Variants in MAGI1 observed in about 807,000 individuals in gnomAD.
MAGI1 encodes the protein membrane-associated guanylate kinase, WW and PDZ domain-containing protein 1.
In MAGI1, 58 loss-of-function variants were observed where a neutral mutation model predicts 139.9. That is an observed-to-expected ratio of 0.41 (90% CI 0.34 to 0.52). The LOEUF (loss-of-function observed/expected upper bound fraction) is 0.52. Among genes scored for constraint, MAGI1 ranks in the 20% least tolerant of loss-of-function variants. The pLI is 0.12. For synonymous variants in MAGI1, 812 were observed against 737.9 expected (o/e 1.10, Z -1.63); for missense variants, 1,874 against 1,901.6 (o/e 0.99, Z 0.27).
At chr3:65,437,269 T>G in intron 9 of MAGI1, 22 bp from the exon 10 acceptor site, 1 of 1,482,150 alleles carries the variant, frequency 6.7e-7, no homozygotes, top group Non-Finnish European at 9.4e-7. Flanking sequence ...AAAAGAAAGT[T>G]TCCTATTTTT....
At chr3:65,421,314 G>A (rs528979776) in intron 12 of MAGI1, among the ~76,000 whole-genome samples, 1 of 152,304 alleles carries the variant, frequency 6.6e-6, no homozygotes, top group East Asian at 1.9e-4. Flanking sequence ...CATGGTGGAA[G>A]TGCTAGAAAA....
chr3:65,470,948 C>A (rs553276264), intron 4 of MAGI1, among the ~76,000 whole-genome samples: 1 of 152,186 alleles, frequency 6.6e-6, no homozygotes, highest in East Asian at 1.9e-4. Flanking sequence ...CTTGTATAAA[C>A]GATTTTATAA....
chr3:65,401,372 T>TGCCCCCCCCCGCCCCCCC, intron 13 of MAGI1, 67 bp downstream of exon 13: 1 of 778,312 alleles, frequency 1.3e-6, no homozygotes, highest in Non-Finnish European at 2.1e-6. Flanking sequence ...CAGAGTACCC[T>TGCCCCCCCCCGCCCCCCC]CCCACCTCCA....
intron 1 of MAGI1, among the ~76,000 whole-genome samples, chr3:65,995,148 A>C (rs1409661923): frequency 2.0e-5 from 3 of 152,234 alleles, no homozygotes; most frequent in Non-Finnish European, 4.4e-5. Flanking sequence ...AAAACTCGGA[A>C]GGAACCGTGA....
At chr3:65,757,611 C>T (rs1244595708) in intron 1 of MAGI1, among the ~76,000 whole-genome samples, 1 of 152,172 alleles carries the variant, frequency 6.6e-6, no homozygotes, top group Non-Finnish European at 1.5e-5. Context: ...GCACTCCAGC[C>T]TGGGCAACAG....
intron 1 of MAGI1, among the ~76,000 whole-genome samples, chr3:65,680,583 T>G (rs2087514060): frequency 6.6e-6 from 1 of 151,886 alleles, no homozygotes; most frequent in African/African-American, 2.4e-5. Context: ...CCTGGTTAAT[T>G]TTTCTTTTCT....
At chr3:65,549,274 C>G in intron 2 of MAGI1, 17 of 348,760 alleles carry the variant, frequency 4.9e-5, no homozygotes, top group South Asian at 1.1e-4. Context: ...TCCTCGCCTT[C>G]TCCTTCCTTC....
At chr3:65,773,804 A>G (rs1050577657) in intron 1 of MAGI1, among the ~76,000 whole-genome samples, 1 of 152,186 alleles carries the variant, frequency 6.6e-6, no homozygotes, top group Non-Finnish European at 1.5e-5. Context: ...TTATGCCTTA[A>G]TCATACTTGA....
chr3:65,661,746 T>TG (rs1491565397), intron 1 of MAGI1, among the ~76,000 whole-genome samples: 1 of 15,248 alleles, frequency 6.6e-5, no homozygotes, highest in African/African-American at 1.3e-4. Context: ...TTTTTTTCTG[T>TG]TTTTTTTTTT....
chr3:65,641,089 T>C (rs757171348), intron 1 of MAGI1, among the ~76,000 whole-genome samples: 1 of 151,624 alleles, frequency 6.6e-6, no homozygotes, highest in Non-Finnish European at 1.5e-5. Context: ...GAATTTTTGC[T>C]TTCTAATAAG....
chr3:65,741,367 G>T (rs2035250752), intron 1 of MAGI1, among the ~76,000 whole-genome samples: 1 of 151,990 alleles, frequency 6.6e-6, no homozygotes, highest in Admixed American at 6.5e-5. Flanking sequence ...GTAGAGACAG[G>T]GTTTCACCGT....
intron 13 of MAGI1, 57 bp downstream of exon 13, chr3:65,401,382 A>ACCCC: frequency 1.2e-5 from 5 of 404,304 alleles, no homozygotes; most frequent in Admixed American, 4.0e-5. Context: ...TCCCACCTCC[A>ACCCC]GCCCCCCACC....
At chr3:65,457,025 T>C (rs1160570170) in intron 5 of MAGI1, among the ~76,000 whole-genome samples, 1 of 152,136 alleles carries the variant, frequency 6.6e-6, no homozygotes, top group Non-Finnish European at 1.5e-5. Flanking sequence ...GTTTTAGCTA[T>C]TCTCTTTCCT....
chr3:65,438,705 T>G (rs1464312277), intron 9 of MAGI1, among the ~76,000 whole-genome samples: 1 of 152,250 alleles, frequency 6.6e-6, no homozygotes, highest in Non-Finnish European at 1.5e-5. Flanking sequence ...GAGCCAAGAA[T>G]AACTTTTATT....
At chr3:65,836,614 T>G (rs183519272) in intron 1 of MAGI1, among the ~76,000 whole-genome samples, 2 of 150,156 alleles carry the variant, frequency 1.3e-5, no homozygotes, top group African/African-American at 2.5e-5. Flanking sequence ...AGGTCAGGAG[T>G]TCAAGACCAG....
chr3:65,678,859 G>C (rs895701160), intron 1 of MAGI1, among the ~76,000 whole-genome samples: 3 of 152,180 alleles, frequency 2.0e-5, no homozygotes, highest in Non-Finnish European at 4.4e-5. Context: ...CTTATTCTGT[G>C]AATTTTGAAA....
chr3:65,510,090 G>T (rs2077504506), intron 2 of MAGI1, among the ~76,000 whole-genome samples: 1 of 151,968 alleles, frequency 6.6e-6, no homozygotes, highest in African/African-American at 2.4e-5. Flanking sequence ...TGCAGCTGAG[G>T]GTCCTGTCTG....
chr3:65,858,811 T>C (rs1287799991), intron 1 of MAGI1, among the ~76,000 whole-genome samples: 1 of 152,264 alleles, frequency 6.6e-6, no homozygotes, highest in Non-Finnish European at 1.5e-5. Context: ...TCCAACTGCA[T>C]ATAAATTAAA....
At chr3:65,575,758 T>C (rs999994563) in intron 2 of MAGI1, among the ~76,000 whole-genome samples, 4 of 152,200 alleles carry the variant, frequency 2.6e-5, no homozygotes, top group African/African-American at 9.7e-5. Context: ...GTGAATGATG[T>C]ATAATTCACT....
Sources: gnomAD v4.1 joint callset for allele counts (sites outside exome capture counted in the v4.1 genomes callset) on GRCh38, gnomAD v4.1.1 for gene constraint, MANE v1.5 for transcripts, NCBI Gene and HGNC (gene_info 2026-07-23, HGNC 2026-07-21) for gene names.